PSME4: variants seen among roughly 807,000 people sequenced by gnomAD.
The protein encoded by PSME4 is proteasome activator subunit 4, also known as proteasome activator complex subunit 4.
PSME4 carries 89 observed loss-of-function variants against 253.9 expected under a neutral mutation model. That is an observed-to-expected ratio of 0.35 (90% CI 0.30 to 0.42). The LOEUF (loss-of-function observed/expected upper bound fraction) is 0.42. Ranked by LOEUF, PSME4 falls within the 10% of genes least tolerant of loss-of-function variation. The pLI is 1.00. For missense variants in PSME4, 2,014 were observed against 2,195.2 expected, an observed-to-expected ratio of 0.92 and a Z score of 1.65; for synonymous variants, 851 against 759.2, an observed-to-expected ratio of 1.12 and a Z score of -1.99.
At chr2:53,948,141 ATATTT>A (rs2104475505) in intron 3 of PSME4, among the ~76,000 whole-genome samples, 1 of 152,364 alleles carries the variant, frequency 6.6e-6, no homozygotes, top group South Asian at 2.1e-4. Context: ...AGGGCAGATG[ATATTT>A]TATTATATAA....
chr2:53,886,382 G>A (rs879327084), intron 40 of PSME4, among the ~76,000 whole-genome samples: 6 of 152,230 alleles, frequency 3.9e-5, no homozygotes, highest in Non-Finnish European at 5.9e-5. Context: ...GTGAAAGGCA[G>A]CAGAGGGCTG....
chr2:53,883,455 G>A (rs116123357), intron 41 of PSME4, among the ~76,000 whole-genome samples: 3,781 of 152,224 alleles, frequency 0.025, 77 homozygotes, highest in Middle Eastern at 0.044. Flanking sequence ...AGCCATGACT[G>A]CACCACTGCA....
intron 3 of PSME4, among the ~76,000 whole-genome samples, chr2:53,945,562 G>T (rs920752346): frequency 6.6e-6 from 1 of 152,082 alleles, no homozygotes; most frequent in Non-Finnish European, 1.5e-5. Flanking sequence ...GGATGGGAAA[G>T]GTAAAGAGGA....
In PSME4 at chr2:53,920,069, G is replaced by C. The variant is rs537028149; in HGVS notation, c.2420+124C>G. The C allele has an allele frequency of 4.8e-5, 40 of 840,362 alleles. No homozygotes were observed. The South Asian group carries it at 1.1e-3, about 22-fold the overall frequency. The allele number at this position is 840,362 out of a possible 1,614,324, so 52.1% of individuals were successfully genotyped here. A position where few individuals can be genotyped will look rare whatever the true frequency, so the allele number is the denominator to read the frequency against. On this transcript the variant is annotated intron_variant, in intron 19 of 46. Transcript: ENST00000404125. ...AACATTATATTAAATGATTTTCTAAGTACATGTATAGCAGATTTTCAAAAC... is the reference window on the plus strand; with the variant it reads ...AACATTATATTAAATGATTTTCTAACTACATGTATAGCAGATTTTCAAAAC...
chr2:53,921,290 A>G (rs892576392), intron 17 of PSME4, among the ~76,000 whole-genome samples, 186 bp from the exon 18 acceptor site: 12 of 152,018 alleles, frequency 7.9e-5, no homozygotes, highest in African/African-American at 2.9e-4. Flanking sequence ...ACATTTTCTG[A>G]GCTTAAGCTT....
intron 3 of PSME4, among the ~76,000 whole-genome samples, chr2:53,946,717 G>A (rs551120075): frequency 1.3e-5 from 2 of 152,194 alleles, no homozygotes; most frequent in South Asian, 4.2e-4. Flanking sequence ...GCAACACAGT[G>A]AGACCCTGTG....
intron 35 of PSME4, among the ~76,000 whole-genome samples, chr2:53,893,177 T>C (rs1362462934): frequency 6.6e-6 from 1 of 152,094 alleles, no homozygotes; most frequent in Non-Finnish European, 1.5e-5. Context: ...ATTAATAATC[T>C]CTCTAAGTAT....
At position 53,919,217 on chromosome 2, in the gene PSME4, A is replaced by G; in HGVS notation, c.2450T>C (p.Val817Ala). 1 of 1,609,516 alleles carries G rather than the reference A, an allele frequency of 6.2e-7. No individual in the cohort carries two copies. Among genetic ancestry groups the G allele is most frequent in the South Asian group, 1.1e-5 (1 of 89,942 alleles). Residue 817 changes from valine to alanine, a missense_variant, in exon 20 of 47, where the codon GTG becomes GCG. By Grantham distance (64) the Val-to-Ala change is moderately conservative. This residue lies in a region of PSME4 where 989 missense variants were observed against 1,021.1 expected (regional missense o/e 0.97). Coordinates refer to ENST00000404125, the MANE Select transcript of PSME4 (RefSeq NM_014614.3). ...TCCAGAGCCAATTAAACAGTTGTGC[A>G]CTATAGTCAGACTCTGTAGAATATC... ...RDDILQSLTI[V>A]HNCLIGSGNL...
chr2:53,928,468 C>A (rs1668671669), intron 10 of PSME4, among the ~76,000 whole-genome samples, 165 bp from the exon 11 acceptor site: 1 of 152,102 alleles, frequency 6.6e-6, no homozygotes, highest in Non-Finnish European at 1.5e-5. Flanking sequence ...TTACAGTAGC[C>A]CCGTTATCTG....
chr2:53,867,138 C>T (rs2104406056), intron 44 of PSME4, among the ~76,000 whole-genome samples: 1 of 152,196 alleles, frequency 6.6e-6, no homozygotes, highest in South Asian at 2.1e-4. Flanking sequence ...GTAGGAGGAT[C>T]ACTTGAGGCC....
At chr2:53,884,542 T>C (rs1260071449) in intron 41 of PSME4, among the ~76,000 whole-genome samples, 3 of 152,214 alleles carry the variant, frequency 2.0e-5, no homozygotes, top group African/African-American at 7.2e-5. Context: ...TATAAGTTTT[T>C]TCATAAACTT....
intron 1 of PSME4, 71 bp downstream of exon 1, chr2:53,970,472 G>C: frequency 6.5e-7 from 1 of 1,543,834 alleles, no homozygotes; most frequent in African/African-American, 1.4e-5. Context: ...TCTGGACAAA[G>C]AGCAACCATC....
chr2:53,888,516 G>A (rs1280280933), intron 38 of PSME4, among the ~76,000 whole-genome samples: 1 of 152,114 alleles, frequency 6.6e-6, no homozygotes, highest in Non-Finnish European at 1.5e-5. Context: ...AATTGCTCAG[G>A]TTGCCTACAT....
chr2:53,886,816 G>T (rs904584454), intron 40 of PSME4, among the ~76,000 whole-genome samples: 6 of 151,992 alleles, frequency 3.9e-5, no homozygotes, highest in African/African-American at 1.5e-4. Context: ...CCAGCAAACA[G>T]ATGAATGGGT....
intron 1 of PSME4, among the ~76,000 whole-genome samples, chr2:53,957,462 A>G (rs1352690640): frequency 6.6e-6 from 1 of 152,200 alleles, no homozygotes; most frequent in Non-Finnish European, 1.5e-5. Context: ...TCTCACAAAG[A>G]GCACACAACC....
intron 34 of PSME4, 76 bp downstream of exon 34, chr2:53,894,931 G>C (rs1036877736): frequency 1.6e-6 from 2 of 1,253,030 alleles, no homozygotes; most frequent in Non-Finnish European, 1.1e-6. Context: ...AGAAGAAGAA[G>C]AACTGAAGTG....
intron 26 of PSME4, among the ~76,000 whole-genome samples, chr2:53,904,374 C>A (rs1430645465): frequency 1.3e-5 from 2 of 152,188 alleles, no homozygotes; most frequent in Non-Finnish European, 2.9e-5. Context: ...TTAGGTTACA[C>A]TGACTGAAAT....
chr2:53,948,962 G>A (rs1442963096), intron 2 of PSME4, among the ~76,000 whole-genome samples, 181 bp downstream of exon 2: 1 of 152,136 alleles, frequency 6.6e-6, no homozygotes, highest in Non-Finnish European at 1.5e-5. Context: ...TGGAAGAGAT[G>A]GAATTTTAAC....
rs1680542784 is a variant in PSME4 at position 53,904,225 on chromosome 2, A to G, written c.2944-69T>C. 5.7e-6 allele frequency: 8 copies of G among 1,399,962 alleles called. No individual in the cohort carries two copies. The Admixed American group carries it at 1.8e-4, about 31-fold the overall frequency. 86.7% of individuals were successfully genotyped at this position (1,399,962 alleles called of 1,614,324 possible). On this transcript the variant is annotated intron_variant, in intron 26 of 46. Coordinates refer to ENST00000404125, the MANE Select transcript of PSME4 (RefSeq NM_014614.3). The stretch of plus-strand genomic sequence containing the variant: ...AGTACAAAGCAGTTTAAAACAAATT[A>G]TCAAAAACAGTAATGATAATTTACA...
Sources: gnomAD v4.1 joint callset for allele counts (sites outside exome capture counted in the v4.1 genomes callset) on GRCh38, gnomAD v4.1.1 for gene constraint, gnomAD v4.1.1 regional missense constraint, MANE v1.5 for transcripts, NCBI Gene and HGNC (gene_info 2026-07-23, HGNC 2026-07-21) for gene names.